Variants in TBC1D16 observed in about 807,000 individuals in gnomAD.
TBC1D16 encodes the protein CTD-2529O21.1.
In TBC1D16, 58 loss-of-function variants were observed where a neutral mutation model predicts 74.7. The ratio of observed to expected loss-of-function variants is 0.78; its 90% confidence interval spans 0.63 to 0.97. The LOEUF is 0.97. Ranked by LOEUF, TBC1D16 falls within the 50% of genes least tolerant of loss-of-function variation. TBC1D16 has a pLI of 0.00. For synonymous variants in TBC1D16, 493 were observed against 474.7 expected (o/e 1.04, Z -0.50); for missense variants, 1,014 against 1,079.5 (o/e 0.94, Z 0.85).
rs117672519 is a variant in TBC1D16, at chr17:80,008,342, G to A, written c.779+1818C>T. ...TAACCAGTGATGCCAGGACTCAACC[G>A]GCACTCAACTCCCTAACTCCTAAAC... On this transcript the variant is annotated intron_variant, in intron 3 of 11. Transcript: ENST00000310924. This position sits in a 1 kb window ranked among gnomAD's most constrained non-coding sequence, Gnocchi z 4.5. 1.3e-5 allele frequency among the ~76,000 whole-genome samples: 2 copies of A among 152,222 alleles called. No individual in the cohort carries two copies. Among genetic ancestry groups the A allele is most frequent in the East Asian group, 1.9e-4 (1 of 5,184 alleles).
rs546582882 is a variant in TBC1D16 at position 80,008,021 on chromosome 17, T to TAAA, written c.779+2136_779+2138dup. On this transcript the variant is annotated intron_variant, in intron 3 of 11. Coordinates refer to ENST00000310924, the MANE Select transcript of TBC1D16 (RefSeq NM_019020.4). This position sits in a 1 kb window ranked among gnomAD's most constrained non-coding sequence, Gnocchi z 4.5. The stretch of plus-strand genomic sequence containing the variant: ...AATACATCCCCACCCTCAGTTGTGA[T>TAAA]AAAAAAAAAAAAAAAGTGTCTCCTG... 1.6e-5 allele frequency among the ~76,000 whole-genome samples: 2 copies of TAAA among 128,026 alleles called. No individual in the cohort carries two copies. The allele number at this position is 128,026 out of a possible 152,430, so 84.0% of individuals were successfully genotyped here. A position where few individuals can be genotyped will look rare whatever the true frequency, so the allele number is the denominator to read the frequency against.
rs1029014452 is a variant in TBC1D16, at chr17:79,987,990, C to T, written c.779+22170G>A. ...TCCTAAATGTGGGGAAATGAGGTTG[C>T]CCAGCAATTCTGAATGTGGTTTAAA... On this transcript the variant is annotated intron_variant, in intron 3 of 11. Transcript: ENST00000310924. The surrounding 1 kb of genome is among the most constrained non-coding windows in gnomAD (Gnocchi z 5.2). Among the ~76,000 whole-genome samples the T allele has an allele frequency of 3.3e-5, 5 of 151,926 alleles. No homozygotes were observed. The highest frequency in any genetic ancestry group is 1.2e-4 in the African/African-American group (5 of 41,358).
chr17:79,949,754 G>A lies in TBC1D16; in HGVS notation c.1369C>T (p.Gln457Ter), dbSNP rs1452134016. The change falls in exon 7 of 12, where the codon CAG (glutamine) becomes TAG (stop). Residue 457 changes from glutamine (Q) to a stop codon, truncating the protein, a stop_gained. Coordinates refer to ENST00000310924, the MANE Select transcript of TBC1D16 (RefSeq NM_019020.4). LOFTEE classifies it high-confidence loss of function. ...TSEEREALRL[Q>*]KRKEYSEIQQ... The stretch of plus-strand genomic sequence containing the variant: ...ATCTCAGAGTACTCCTTTCGCTTCT[G>A]CAGCCGCAGCGCCTCCCGCTCCTCC... The A allele has an allele frequency of 1.4e-5, 23 of 1,613,080 alleles. No individual in the cohort carries two copies. The highest frequency in any genetic ancestry group is 1.9e-5 in the Non-Finnish European group (22 of 1,179,858).
At chr17:79,965,171 C>T (rs2033786867) in intron 3 of TBC1D16, among the ~76,000 whole-genome samples, 1 of 151,974 alleles carries the variant, frequency 6.6e-6, no homozygotes, top group South Asian at 2.1e-4. Context: ...CCTCCGCCTC[C>T]CAGGTTCAAG....
intron 1 of TBC1D16, among the ~76,000 whole-genome samples, chr17:80,024,909 C>CAG (rs1258871660): frequency 8.4e-6 from 1 of 118,952 alleles, no homozygotes; most frequent in Non-Finnish European, 1.6e-5. Context: ...AAACATCACA[C>CAG]ACACACCACA....
intron 1 of TBC1D16, among the ~76,000 whole-genome samples, chr17:80,014,635 C>G (rs899676560): frequency 6.6e-6 from 1 of 151,890 alleles, no homozygotes. Flanking sequence ...TCCTCCAATG[C>G]GGGAGCAACA....
chr17:79,970,882 G>A (rs56409905), intron 3 of TBC1D16, among the ~76,000 whole-genome samples: 341 of 34,612 alleles, frequency 9.9e-3, no homozygotes, highest in African/African-American at 0.054. Flanking sequence ...GAGTCAGCCC[G>A]GTGCAAAAAC....
At chr17:79,953,145 C>T (rs913411497) in intron 3 of TBC1D16, among the ~76,000 whole-genome samples, 4 of 152,162 alleles carry the variant, frequency 2.6e-5, no homozygotes, top group Non-Finnish European at 5.9e-5. Flanking sequence ...GCCACCAAGC[C>T]TCTCTCAGCC....
At chr17:80,022,471 G>T (rs1404624594) in intron 1 of TBC1D16, among the ~76,000 whole-genome samples, 5 of 149,226 alleles carry the variant, frequency 3.4e-5, no homozygotes, top group Admixed American at 1.3e-4. Flanking sequence ...CGAGTAGCTG[G>T]GATTACAGGT....
At chr17:79,965,664 T>C (rs1413336544) in intron 3 of TBC1D16, among the ~76,000 whole-genome samples, 1 of 152,198 alleles carries the variant, frequency 6.6e-6, no homozygotes, top group Non-Finnish European at 1.5e-5. Flanking sequence ...GATGGACAGC[T>C]AGGCGTGACC....
chr17:79,970,773 C>T (rs1053627235), intron 3 of TBC1D16, among the ~76,000 whole-genome samples: 5 of 152,084 alleles, frequency 3.3e-5, no homozygotes, highest in Non-Finnish European at 7.4e-5. Context: ...AGCAGAGAGC[C>T]CAGGGGAAAT....
chr17:79,984,346 A>G (rs1036984868), intron 3 of TBC1D16, among the ~76,000 whole-genome samples: 1 of 152,186 alleles, frequency 6.6e-6, no homozygotes, highest in Admixed American at 6.5e-5. Context: ...AGTGAATTTT[A>G]TATACAGCCT....
chr17:80,027,662 G>A (rs112360915), intron 1 of TBC1D16, among the ~76,000 whole-genome samples: 6,276 of 151,518 alleles, frequency 0.041, 399 homozygotes, highest in African/African-American at 0.14. Flanking sequence ...GGAGGCTGAG[G>A]CGGCAGATCG....
In TBC1D16 at chr17:79,956,555, G is replaced by A. The variant is rs1040301528; in HGVS notation, c.780-3737C>T. ...AGGCGTGAGCCACCACGCTGGGCCC[G>A]GTGGTCGCTTTAAGTTGCTGAGTTT... On this transcript the variant is annotated intron_variant, in intron 3 of 11. Transcript: ENST00000310924. The surrounding 1 kb of genome is among the most constrained non-coding windows in gnomAD (Gnocchi z 4.0). Among the ~76,000 whole-genome samples the A allele has an allele frequency of 3.3e-5, 5 of 152,234 alleles. No homozygotes were observed. Among genetic ancestry groups the A allele is most frequent in the Non-Finnish European group, 7.4e-5 (5 of 68,020 alleles).
At position 80,025,101 on chromosome 17, in the gene TBC1D16, T is replaced by TACC. The variant is rs2036519691; in HGVS notation, c.-63+10693_-63+10694insGGT. On this transcript the variant is annotated intron_variant, in intron 1 of 11. Coordinates refer to ENST00000310924, the MANE Select transcript of TBC1D16 (RefSeq NM_019020.4). Reference sequence around the variant, plus strand: ...CACATACCATGACACACACACACCATATACACACAAACACCACAGACACAC... The same window carrying TACC: ...CACATACCATGACACACACACACCATACCATACACACAAACACCACAGACACAC... Among the ~76,000 whole-genome samples the TACC allele has an allele frequency of 2.5e-5, 2 of 80,422 alleles. 1 individual carries two copies. The highest frequency in any genetic ancestry group is 4.9e-5 in the Non-Finnish European group (2 of 40,978). 52.8% of individuals were successfully genotyped at this position (80,422 alleles called of 152,430 possible).
In TBC1D16 at chr17:79,956,895, G is replaced by GTAAA. The variant is rs2033361202; in HGVS notation, c.780-4078_780-4077insTTTA. On this transcript the variant is annotated intron_variant, in intron 3 of 11. Coordinates refer to ENST00000310924, the MANE Select transcript of TBC1D16 (RefSeq NM_019020.4). The surrounding 1 kb of genome is among the most constrained non-coding windows in gnomAD (Gnocchi z 4.0). ...AATTTGCCCCTAAGGGGTTGTGAGAGGGTTTAAGCCAACTTCTGCCTGGAG... is the reference window on the plus strand; with the variant it reads ...AATTTGCCCCTAAGGGGTTGTGAGAGTAAAGGTTTAAGCCAACTTCTGCCTGGAG... Among the ~76,000 whole-genome samples, 1 of 152,188 alleles carries GTAAA rather than the reference G, an allele frequency of 6.6e-6. No individual in the cohort carries two copies. The highest frequency in any genetic ancestry group is 2.1e-4 in the South Asian group (1 of 4,830).
chr17:79,942,134 G>A lies in TBC1D16; in HGVS notation c.1981C>T (p.Leu661=). The A allele has an allele frequency of 6.2e-7, 1 of 1,611,306 alleles. No individual in the cohort carries two copies. Among genetic ancestry groups the A allele is most frequent in the Admixed American group, 1.7e-5 (1 of 59,850 alleles). Residue 661 remains leucine (L), a synonymous_variant, in exon 11 of 12, where the codon CTG becomes TTG. Transcript: ENST00000310924. The part of the protein sequence containing the change: ...IYGDDVIEQQ[L]ATDQMLLHFG... ...TGCAGGAGCATCTGGTCCGTGGCCAGCTGCTGCTCGATGACGTCATCCCCG... is the reference window on the plus strand; with the variant it reads ...TGCAGGAGCATCTGGTCCGTGGCCAACTGCTGCTCGATGACGTCATCCCCG...
chr17:79,972,530 G>A (rs530209428), intron 3 of TBC1D16, among the ~76,000 whole-genome samples: 6 of 152,286 alleles, frequency 3.9e-5, no homozygotes, highest in African/African-American at 7.2e-5. Flanking sequence ...GACACCTGAC[G>A]TTACGCTAAG....
At position 80,001,582 on chromosome 17, in the gene TBC1D16, T is replaced by C. The variant is rs2035487298; in HGVS notation, c.779+8578A>G. ...CGCCCTGGTTGGCCCACGACCGGGA[T>C]CAGGGGTTTGATCCTGAAATTTGGG... On this transcript the variant is annotated intron_variant, in intron 3 of 11. Coordinates refer to ENST00000310924, the MANE Select transcript of TBC1D16 (RefSeq NM_019020.4). This position sits in a 1 kb window ranked among gnomAD's most constrained non-coding sequence, Gnocchi z 5.8. Among the ~76,000 whole-genome samples, 1 of 152,060 alleles carries C rather than the reference T, an allele frequency of 6.6e-6. No homozygotes were observed. Among genetic ancestry groups the C allele is most frequent in the South Asian group, 2.1e-4 (1 of 4,830 alleles).
Sources: gnomAD v4.1 joint callset for allele counts (sites outside exome capture counted in the v4.1 genomes callset) on GRCh38, gnomAD v4.1.1 for gene constraint, Gnocchi (gnomAD v3.1) non-coding constraint, MANE v1.5 for transcripts, NCBI Gene and HGNC (gene_info 2026-07-23, HGNC 2026-07-21) for gene names.